The following FHL1 variants were observed in gnomAD, a reference collection of about 807,000 sequenced individuals.
FHL1 encodes the protein four and a half LIM domains protein 1.
In FHL1, 1 loss-of-function variant was observed where a neutral mutation model predicts 20.3. The ratio of observed to expected loss-of-function variants is 0.05; its 90% CI spans 0.02 to 0.23. The LOEUF (loss-of-function observed/expected upper bound fraction) is 0.23. Ranked by LOEUF, FHL1 falls within the 10% of genes least tolerant of loss-of-function variation. The probability of loss-of-function intolerance (pLI) is 1.00; values close to 1 mark genes in which losing one functional copy is unlikely to be tolerated. For synonymous variants in FHL1, 82 were observed against 88.9 expected (o/e 0.92, Z 0.44); for missense variants, 177 against 234.0 (o/e 0.76, Z 1.59).
chrX:136,193,227 C>T (rs1263480326), upstream of FHL1, among the ~76,000 whole-genome samples: 1 of 111,623 alleles, frequency 9.0e-6, no homozygotes, highest in African/African-American at 3.3e-5. Context: ...GAAATTTCTT[C>T]AGGAAAAGAA....
chrX:136,174,776 T>TA lies in FHL1; in HGVS notation c.-27+4805dup, dbSNP rs369766176. Reference sequence around the variant, plus strand: ...TTTGTTTTAAATTAAGTGCTTCTGGTAAAAAAAAAGCTAGATATGCTCAGG... The same window carrying TA: ...TTTGTTTTAAATTAAGTGCTTCTGGTAAAAAAAAAAGCTAGATATGCTCAGG... On this transcript the variant is annotated intron_variant, in intron 2 of 6. Transcript: ENST00000394153. Among the ~76,000 whole-genome samples, 311 of 109,569 alleles carry TA rather than the reference T, an allele frequency of 2.8e-3. 2 individuals are homozygous for TA. Among genetic ancestry groups the TA allele is most frequent in the Non-Finnish European group, 3.8e-3 (197 of 52,394 alleles).
In FHL1 at chrX:136,206,510, C is replaced by G. The variant is rs1305364903; in HGVS notation, c.126C>G (p.His42Gln). 1.7e-6 allele frequency: 2 copies of G among 1,211,531 alleles called. No homozygotes were observed. The highest frequency in any genetic ancestry group is 2.2e-6 in the Non-Finnish European group (2 of 895,492). The change falls in exon 2 of 6, where the codon CAC (histidine) becomes CAG (glutamine). Residue 42 changes from histidine to glutamine, a missense_variant. Coordinates refer to ENST00000370683, the MANE Select transcript of FHL1 (RefSeq NM_001159699.2). ...AGTATGTGCAAAAGGATGGCCACCACTGCTGCCTGAAATGCTTTGACAAGT... is the reference window on the plus strand; with the variant it reads ...AGTATGTGCAAAAGGATGGCCACCAGTGCTGCCTGAAATGCTTTGACAAGT... ...GKKYVQKDGHHCCLKCFDKFC... is the reference protein window; with the variant it reads ...GKKYVQKDGHQCCLKCFDKFC...
At chrX:136,147,343 G>GCGCGCGCA, upstream of FHL1, 1 of 99,618 alleles carries the variant, frequency 1.0e-5, no homozygotes, top group African/African-American at 3.6e-5. Flanking sequence ...TCCCGCGCGC[G>GCGCGCGCA]CGCCCCGCAC....
At chrX:136,176,712 G>A (rs1170827269) in intron 2 of FHL1, among the ~76,000 whole-genome samples, 1 of 111,272 alleles carries the variant, frequency 9.0e-6, no homozygotes, top group Non-Finnish European at 1.9e-5. Context: ...GATATGTCTG[G>A]CAAAGGTGCA....
intron 2 of FHL1, among the ~76,000 whole-genome samples, chrX:136,178,501 C>T (rs939393327): frequency 4.5e-5 from 5 of 110,752 alleles, no homozygotes; most frequent in African/African-American, 1.6e-4. Context: ...GAGGCTGAGG[C>T]ATGAGAATCG....
At chrX:136,165,749 T>C (rs1488423854), upstream of FHL1, among the ~76,000 whole-genome samples, 1 of 112,187 alleles carries the variant, frequency 8.9e-6, no homozygotes, top group Non-Finnish European at 1.9e-5. Context: ...TGATTGGTGA[T>C]GTGGGGATCA....
chrX:136,208,687 C>T, intron 5 of FHL1, 46 bp downstream of exon 5: 1 of 1,112,514 alleles, frequency 9.0e-7, no homozygotes, highest in Non-Finnish European at 1.2e-6. Flanking sequence ...AGGTTTTGCG[C>T]ATGGTAACCA....
intron 2 of FHL1, among the ~76,000 whole-genome samples, chrX:136,172,940 C>A (rs1234407544): frequency 8.9e-6 from 1 of 112,053 alleles, no homozygotes; most frequent in East Asian, 2.8e-4. Context: ...ACCATGTTGG[C>A]CAGGCTGGTC....
intron 2 of FHL1, among the ~76,000 whole-genome samples, chrX:136,177,013 TAC>T (rs10527786): frequency 0.01 from 923 of 88,618 alleles, 7 homozygotes; most frequent in African/African-American, 0.032. Flanking sequence ...CATGTAGAAA[TAC>T]ACACACACAC....
intron 1 of FHL1, among the ~76,000 whole-genome samples, chrX:136,153,001 T>C (rs1448863995): frequency 8.9e-6 from 1 of 111,983 alleles, no homozygotes; most frequent in African/African-American, 3.2e-5. Context: ...TAGCTCACCT[T>C]CCACCTTTCT....
chrX:136,170,553 C>CATAA (rs2072836423), intron 2 of FHL1, among the ~76,000 whole-genome samples: 1 of 111,502 alleles, frequency 9.0e-6, no homozygotes, highest in African/African-American at 3.3e-5. Flanking sequence ...TGTAAGAATG[C>CATAA]TTATACTGGA....
intron 4 of FHL1, 25 bp downstream of exon 4, chrX:136,207,986 T>C (rs981788751): frequency 8.3e-7 from 1 of 1,208,372 alleles, no homozygotes; most frequent in Admixed American, 2.2e-5. Flanking sequence ...GAGTTCTGCA[T>C]TGACCGTTGT....
rs2073919404 is a variant in FHL1, at chrX:136,208,715, G to A, written c.736+74G>A. 1.2e-5 allele frequency: 12 copies of A among 1,032,263 alleles called. No homozygotes were observed. The South Asian group carries it at 1.5e-4, about 13-fold the overall frequency. 85.1% of individuals were successfully genotyped at this position (1,032,263 alleles called of 1,213,427 possible). ...GGTAACCATCTCTCATTTTCCTGTC[G>A]TCGGTTTCATCCACAAAGGCCCCCA... On this transcript the variant is annotated intron_variant, in intron 5 of 5. Coordinates refer to ENST00000370683, the MANE Select transcript of FHL1 (RefSeq NM_001159699.2).
At position 136,208,549 on chromosome X, in the gene FHL1, G is replaced by A. The variant is rs886043053; in HGVS notation, c.644G>A (p.Arg215His). 5.8e-6 allele frequency: 7 copies of A among 1,209,574 alleles called. No individual in the cohort carries two copies. The highest frequency in any genetic ancestry group is 5.3e-5 in the South Asian group (3 of 56,799). The change falls in exon 5 of 6, where the codon CGT (arginine) becomes CAT (histidine). Residue 215 changes from arginine to histidine, a missense_variant. Physicochemically the swap from Arg to His is conservative, Grantham distance 29. Coordinates refer to ENST00000370683, the MANE Select transcript of FHL1 (RefSeq NM_001159699.2). ...VTCSKKLAGQRFTAVEDQYYC... is the reference protein window; with the variant it reads ...VTCSKKLAGQHFTAVEDQYYC... ...TGCTCTAAGAAGCTGGCTGGGCAGCGTTTCACCGCTGTGGAGGACCAGTAT... is the reference window on the plus strand; with the variant it reads ...TGCTCTAAGAAGCTGGCTGGGCAGCATTTCACCGCTGTGGAGGACCAGTAT...
chrX:136,182,401 T>C (rs1273377066), intron 2 of FHL1, among the ~76,000 whole-genome samples: 1 of 112,484 alleles, frequency 8.9e-6, no homozygotes, highest in East Asian at 2.8e-4. Context: ...ATTATTATTA[T>C]TATTTTTTAA....
rs779624521 is a variant in FHL1, at chrX:136,210,997, A to T, written c.*972A>T. 2.4e-5 allele frequency: 9 copies of T among 376,636 alleles called. No individual in the cohort carries two copies. The highest frequency in any genetic ancestry group is 2.3e-4 in the South Asian group (9 of 38,843). 31.0% of individuals were successfully genotyped at this position (376,636 alleles called of 1,213,427 possible). On this transcript the variant is annotated 3_prime_UTR_variant, in exon 6 of 6. Transcript: ENST00000370683. ...GTCATCAACATGGATATGACATTTC[A>T]CAACAGTGACTAGTTGAATCCCTTG...
intron 2 of FHL1, among the ~76,000 whole-genome samples, chrX:136,173,730 G>A (rs764664882): frequency 2.1e-5 from 2 of 97,297 alleles, no homozygotes; most frequent in African/African-American, 7.8e-5. Context: ...ATGGAGTCTC[G>A]CTCTGTCACC....
In FHL1 at chrX:136,202,608, T is replaced by C. The variant is rs770766920; in HGVS notation, c.23-3799T>C. 2.7e-5 allele frequency among the ~76,000 whole-genome samples: 3 copies of C among 110,180 alleles called. No homozygotes were observed. In the East Asian group the frequency reaches 8.6e-4, roughly 32 times the overall value. ...CTGTCTCTACTAAAAATACAAAAATTAGCTGGGTGTGGTGTCACATGCCTG... is the reference window on the plus strand; with the variant it reads ...CTGTCTCTACTAAAAATACAAAAATCAGCTGGGTGTGGTGTCACATGCCTG... On this transcript the variant is annotated intron_variant, in intron 1 of 5. Transcript: ENST00000370683.
intron 2 of FHL1, among the ~76,000 whole-genome samples, chrX:136,172,271 C>T (rs1328609230): frequency 8.9e-6 from 1 of 112,370 alleles, no homozygotes; most frequent in Non-Finnish European, 1.9e-5. Flanking sequence ...TTCTTCCTTT[C>T]TTTTATTCAT....
Sources: allele counts gnomAD v4.1 joint callset (sites outside exome capture counted in the v4.1 genomes callset), GRCh38; gene constraint gnomAD v4.1.1; transcripts MANE v1.5; gene names NCBI Gene and HGNC (gene_info 2026-07-23, HGNC 2026-07-21).